HDAC4: variants seen among roughly 807,000 people sequenced by gnomAD.
HDAC4 encodes histone deacetylase A.
A neutral mutation model predicts 135.1 loss-of-function variants in HDAC4; 16 were observed. The ratio of observed to expected loss-of-function variants is 0.12; its 90% CI spans 0.08 to 0.18. The LOEUF (loss-of-function observed/expected upper bound fraction) is 0.18, where lower values mean the gene tolerates loss of function less well. Ranked by LOEUF, HDAC4 falls within the 10% of genes least tolerant of loss-of-function variation. The pLI is 1.00. For missense variants in HDAC4, 1,143 were observed against 1,511.8 expected (o/e 0.76, Z 4.05); for synonymous variants, 685 against 653.4 (o/e 1.05, Z -0.74).
intron 7 of HDAC4, among the ~76,000 whole-genome samples, chr2:239,147,544 C>A (rs559404546): frequency 3.9e-5 from 6 of 152,266 alleles, no homozygotes; most frequent in African/African-American, 1.2e-4. Flanking sequence ...ACCGCCCTCG[C>A]GGGCCTTCCA....
At chr2:239,095,184 C>T (rs974077301) in intron 16 of HDAC4, 128 bp from the exon 17 acceptor site, 2 of 963,762 alleles carry the variant, frequency 2.1e-6, no homozygotes, top group African/African-American at 1.6e-5. Context: ...GGCCACTGCT[C>T]CCCCTTGTGA....
At chr2:239,252,424 C>T (rs1007631098) in intron 2 of HDAC4, among the ~76,000 whole-genome samples, 2 of 152,234 alleles carry the variant, frequency 1.3e-5, no homozygotes, top group African/African-American at 4.8e-5. Context: ...ACACAGCCCA[C>T]GTCACCATGG....
At chr2:239,058,443 A>G (rs529735356) in intron 24 of HDAC4, among the ~76,000 whole-genome samples, 1 of 152,344 alleles carries the variant, frequency 6.6e-6, no homozygotes, top group South Asian at 2.1e-4. Flanking sequence ...AGACCACAGG[A>G]TAGGACGTGA....
chr2:239,141,065 T>C lies in HDAC4; in HGVS notation c.866-1269A>G, dbSNP rs2041341480. On this transcript the variant is annotated intron_variant, in intron 8 of 26. Transcript: ENST00000543185. This position sits in a 1 kb window ranked among gnomAD's most constrained non-coding sequence, Gnocchi z 4.9. ...TCACTGTTTGAGGAAGGTGCCATTA[T>C]GACCCCGTTTCCCAGAAGAGGAGAT... 3.5e-6 allele frequency: 1 copy of C among 287,518 alleles called. No individual in the cohort carries two copies. The highest frequency in any genetic ancestry group is 7.6e-6 in the Non-Finnish European group (1 of 130,766). The allele number at this position is 287,518 out of a possible 1,614,324, so 17.8% of individuals were successfully genotyped here.
intron 1 of HDAC4, among the ~76,000 whole-genome samples, chr2:239,399,209 T>A (rs759517953): frequency 1.7e-4 from 26 of 152,232 alleles, no homozygotes; most frequent in Non-Finnish European, 3.4e-4. Context: ...AAATTTCACA[T>A]ATTTTTGATA....
chr2:239,085,077 C>G (rs1390642490), intron 19 of HDAC4, among the ~76,000 whole-genome samples: 1 of 151,234 alleles, frequency 6.6e-6, no homozygotes, highest in Non-Finnish European at 1.5e-5. Flanking sequence ...CACACACTCT[C>G]CTGCTTGGAG....
chr2:239,073,176 A>C (rs1352690651), intron 22 of HDAC4, among the ~76,000 whole-genome samples: 1 of 152,194 alleles, frequency 6.6e-6, no homozygotes, highest in Non-Finnish European at 1.5e-5. Context: ...CTTAGATGGG[A>C]GTCACAGGAG....
rs1289349437 is a variant in HDAC4 at position 239,054,799 on chromosome 2, C to T, written c.3038G>A (p.Arg1013Lys). The T allele has an allele frequency of 6.2e-7, 1 of 1,613,448 alleles. No individual in the cohort carries two copies. Among genetic ancestry groups the T allele is most frequent in the South Asian group, 1.1e-5 (1 of 91,060 alleles). ...GGAACGGACAGCGTTTGCATTGGGT[C>T]TTTGCTGTAAAACCTTTTCTGGGAG... is the stretch of plus-strand genomic sequence containing the variant. ...DPLPEKVLQQRPNANAVRSME... is the reference protein window; with the variant it reads ...DPLPEKVLQQKPNANAVRSME... The change falls in exon 25 of 27, where the codon AGA becomes AAA. Residue 1013 changes from arginine to lysine, a missense_variant. Around this residue, in one of 9 missense-constraint regions of HDAC4, gnomAD observed 131 missense variants for 130.6 expected, o/e 1.00. Coordinates refer to ENST00000543185, the MANE Select transcript of HDAC4 (RefSeq NM_001378414.1).
Position 239,068,782 on chromosome 2 carries a change from G to T in HDAC4, c.2751-175C>A. On this transcript the variant is annotated intron_variant, in intron 22 of 26. Transcript: ENST00000543185. The surrounding 1 kb of genome is among the most constrained non-coding windows in gnomAD (Gnocchi z 4.4). ...TCTGGCGACCACGCTTAATTAGAAG[G>T]GAATCAACCCACGTGTGATCCAGGC... is the stretch of plus-strand genomic sequence containing the variant. The T allele has an allele frequency of 1.5e-6, 1 of 687,842 alleles. No homozygotes were observed. The allele number at this position is 687,842 out of a possible 1,614,324, so 42.6% of individuals were successfully genotyped here.
intron 3 of HDAC4, among the ~76,000 whole-genome samples, chr2:239,209,964 C>T (rs574806304): frequency 7.9e-4 from 121 of 152,284 alleles, no homozygotes; most frequent in African/African-American, 2.7e-3. Context: ...GACCCAACTA[C>T]GGGTGGAGAG....
intron 6 of HDAC4, among the ~76,000 whole-genome samples, chr2:239,159,182 T>C (rs1191261046): frequency 6.8e-6 from 1 of 146,066 alleles, no homozygotes; most frequent in African/African-American, 2.6e-5. Context: ...TCGCCCCCAA[T>C]TCACACTACT....
chr2:239,384,082 C>G (rs976344299), intron 1 of HDAC4, among the ~76,000 whole-genome samples: 28 of 152,224 alleles, frequency 1.8e-4, no homozygotes, highest in African/African-American at 6.8e-4. Context: ...AGCTCGTGGG[C>G]AACCCTCCAT....
chr2:239,054,690 G>A (rs2031507643), intron 25 of HDAC4, 59 bp downstream of exon 25: 2 of 1,051,186 alleles, frequency 1.9e-6, no homozygotes, highest in Non-Finnish European at 3.0e-6. Context: ...GGGATGGGGT[G>A]TGGTGCAGTC....
intron 2 of HDAC4, among the ~76,000 whole-genome samples, chr2:239,295,042 T>G (rs1251212846): frequency 6.6e-6 from 1 of 152,060 alleles, no homozygotes; most frequent in African/African-American, 2.4e-5. Context: ...GCGCGGTGGC[T>G]CACGCCTGTA....
At chr2:239,074,335 G>T (rs1465380270) in intron 22 of HDAC4, among the ~76,000 whole-genome samples, 1 of 152,242 alleles carries the variant, frequency 6.6e-6, no homozygotes, top group Non-Finnish European at 1.5e-5. Context: ...GCTTTGCAGC[G>T]AGCGCACGTG....
chr2:239,391,226 T>C (rs1696183453), intron 1 of HDAC4, among the ~76,000 whole-genome samples: 1 of 152,192 alleles, frequency 6.6e-6, no homozygotes. Flanking sequence ...GGGCTGACAG[T>C]GTCCGTGGGA....
intron 2 of HDAC4, among the ~76,000 whole-genome samples, chr2:239,319,118 TAAAGGATATTACTTCC>T (rs1037155777): frequency 2.0e-5 from 3 of 152,220 alleles, no homozygotes; most frequent in Admixed American, 1.3e-4. Flanking sequence ...CAGGAATTTC[TAAAGGATATTACTTCC>T]AAAGGATATT....
intron 2 of HDAC4, among the ~76,000 whole-genome samples, chr2:239,315,187 T>C (rs566898359): frequency 3.3e-4 from 50 of 152,334 alleles, no homozygotes; most frequent in Admixed American, 1.4e-3. Context: ...CCCGCGTTTC[T>C]GGACTGGACC....
At chr2:239,205,772 T>C (rs1457944108) in intron 3 of HDAC4, among the ~76,000 whole-genome samples, 1 of 151,146 alleles carries the variant, frequency 6.6e-6, no homozygotes, top group Non-Finnish European at 1.5e-5. Flanking sequence ...ACTTGTGGGG[T>C]TGAAGTGAAG....
Sources: allele counts gnomAD v4.1 joint callset (sites outside exome capture counted in the v4.1 genomes callset), GRCh38; gene constraint gnomAD v4.1.1; regional missense constraint gnomAD v4.1.1; non-coding constraint Gnocchi (gnomAD v3.1); transcripts MANE v1.5; gene names NCBI Gene and HGNC (gene_info 2026-07-23, HGNC 2026-07-21).